SH2D1B: variants seen among roughly 807,000 people sequenced by gnomAD.
The protein encoded by SH2D1B is SH2 domain-containing protein 1B.
A neutral mutation model predicts 16.3 loss-of-function variants in SH2D1B; 11 were observed. That is an observed-to-expected ratio of 0.67 (90% CI 0.42 to 1.11). The LOEUF (loss-of-function observed/expected upper bound fraction) is 1.11. Among genes scored for constraint, SH2D1B ranks in the 50% most tolerant of loss-of-function variants. SH2D1B has a pLI of 0.00. For missense variants in SH2D1B, 123 were observed against 153.1 expected (o/e 0.80, Z 1.04); for synonymous variants, 55 against 56.1 (o/e 0.98, Z 0.09).
chr1:162,405,382 C>T (rs754118335), intron 1 of SH2D1B, among the ~76,000 whole-genome samples: 21 of 152,142 alleles, frequency 1.4e-4, no homozygotes, highest in Non-Finnish European at 7.4e-5. Context: ...ATACATATGT[C>T]AAAATCCATC....
At chr1:162,410,191 TG>T (rs1231310339) in intron 1 of SH2D1B, among the ~76,000 whole-genome samples, 1 of 152,200 alleles carries the variant, frequency 6.6e-6, no homozygotes, top group East Asian at 1.9e-4. Context: ...CACCCGGGCC[TG>T]TCTTCAGCTA....
chr1:162,404,343 AT>A (rs1326672099), intron 1 of SH2D1B, among the ~76,000 whole-genome samples: 5 of 152,304 alleles, frequency 3.3e-5, no homozygotes, highest in Admixed American at 2.6e-4. Context: ...CTCAAAAAAA[AT>A]AAAATAAAAT....
At chr1:162,407,872 AT>A (rs779260382) in intron 1 of SH2D1B, among the ~76,000 whole-genome samples, 124 of 152,328 alleles carry the variant, frequency 8.1e-4, no homozygotes, top group Admixed American at 2.2e-3. Flanking sequence ...TTATCACTGT[AT>A]TACCAATGCT....
Position 162,395,374 on chromosome 1 carries a change from A to G in SH2D1B, c.*1906T>C, listed in dbSNP as rs1401525097. The G allele has an allele frequency of 1.3e-5, 2 of 152,224 alleles. No individual in the cohort carries two copies. The highest frequency in any genetic ancestry group is 3.8e-4 in the East Asian group (2 of 5,204). The allele number at this position is 152,224 out of a possible 1,614,324, so 9.4% of individuals were successfully genotyped here. On this transcript the variant is annotated 3_prime_UTR_variant, in exon 4 of 4. Coordinates refer to ENST00000367929, the MANE Select transcript of SH2D1B (RefSeq NM_053282.5). ...ATTAGAGATAGAAAAAAATCACAAT[A>G]AATGTCAAAATATTTCTAGTAAAAA...
intron 2 of SH2D1B, among the ~76,000 whole-genome samples, chr1:162,401,332 A>AAT (rs35900994): frequency 6.6e-6 from 1 of 152,024 alleles, no homozygotes; most frequent in African/African-American, 2.4e-5. Context: ...CAGAAAAAAA[A>AAT]GTCTTAAAAT....
rs1648361767 is a variant in SH2D1B at position 162,395,851 on chromosome 1, G to A, written c.*1429C>T. 3.3e-5 allele frequency: 5 copies of A among 152,220 alleles called. No homozygotes were observed. Among genetic ancestry groups the A allele is most frequent in the Admixed American group, 3.3e-4 (5 of 15,282 alleles). 9.4% of individuals were successfully genotyped at this position (152,220 alleles called of 1,614,324 possible). A position where few individuals can be genotyped will look rare whatever the true frequency, so the allele number is the denominator to read the frequency against. Reference sequence around the variant, plus strand: ...AAAAAGATGACCCAAGAACATGGATGTGGCATGTTTATGCATGGGAAAACA... The same window carrying A: ...AAAAAGATGACCCAAGAACATGGATATGGCATGTTTATGCATGGGAAAACA... On this transcript the variant is annotated 3_prime_UTR_variant, in exon 4 of 4. Transcript: ENST00000367929.
At position 162,401,906 on chromosome 1, in the gene SH2D1B, T is replaced by C. The variant is rs1477182448; in HGVS notation, c.198+833A>G. Among the ~76,000 whole-genome samples the C allele has an allele frequency of 2.0e-5, 3 of 152,320 alleles. No homozygotes were observed. In the East Asian group the frequency reaches 5.8e-4, roughly 29 times the overall value. Reference sequence around the variant, plus strand: ...GATTCTCTGTTAGCAGTTATGTTTATTATACTCTACTTCTTAAGCCAGAGA... The same window carrying C: ...GATTCTCTGTTAGCAGTTATGTTTACTATACTCTACTTCTTAAGCCAGAGA... On this transcript the variant is annotated intron_variant, in intron 2 of 3. Transcript: ENST00000367929.
chr1:162,398,904 C>G lies in SH2D1B; in HGVS notation c.363+19G>C, dbSNP rs890712546. 2 of 1,602,002 alleles carry G rather than the reference C, an allele frequency of 1.2e-6. No individual in the cohort carries two copies. Among genetic ancestry groups the G allele is most frequent in the Middle Eastern group, 1.7e-4 (1 of 5,934 alleles). ...ATAGGATTAAGATTGCTTTCTGACC[C>G]CCACGTGAGAGATTTTACCACAAAT... On this transcript the variant is annotated intron_variant, in intron 3 of 3. Coordinates refer to ENST00000367929, the MANE Select transcript of SH2D1B (RefSeq NM_053282.5).
At chr1:162,398,771 T>C in intron 3 of SH2D1B, 152 bp downstream of exon 3, 2 of 918,126 alleles carry the variant, frequency 2.2e-6, no homozygotes, top group South Asian at 4.3e-5. Flanking sequence ...AGACAGCACT[T>C]CTCAACAAAA....
At chr1:162,400,890 GT>G (rs1648503306) in intron 2 of SH2D1B, among the ~76,000 whole-genome samples, 1 of 152,138 alleles carries the variant, frequency 6.6e-6, no homozygotes, top group Admixed American at 6.5e-5. Flanking sequence ...GGAAGTTGCA[GT>G]GAGCCGAGAT....
intron 1 of SH2D1B, among the ~76,000 whole-genome samples, chr1:162,406,164 T>C (rs1048790146): frequency 2.2e-4 from 33 of 152,222 alleles, no homozygotes; most frequent in African/African-American, 7.7e-4. Flanking sequence ...CCTTTTGTGG[T>C]ACTAATTTTT....
intron 2 of SH2D1B, among the ~76,000 whole-genome samples, chr1:162,399,885 T>C (rs1381201838): frequency 6.6e-6 from 1 of 152,202 alleles, no homozygotes; most frequent in Non-Finnish European, 1.5e-5. Flanking sequence ...TGTGAGAGAT[T>C]TTACCATAAA....
chr1:162,404,817 A>T (rs1405530851), intron 1 of SH2D1B, among the ~76,000 whole-genome samples: 1 of 152,272 alleles, frequency 6.6e-6, no homozygotes, highest in East Asian at 1.9e-4. Context: ...GTAAGGATGT[A>T]GAGCAATCAG....
At position 162,396,626 on chromosome 1, in the gene SH2D1B, T is replaced by C. The variant is rs1648385703; in HGVS notation, c.*654A>G. ...GGAGAAAGTGTGGCTGGGGCAATGCTCACCAGGAAGTTTAAGATTAGAAAG... is the reference window on the plus strand; with the variant it reads ...GGAGAAAGTGTGGCTGGGGCAATGCCCACCAGGAAGTTTAAGATTAGAAAG... On this transcript the variant is annotated 3_prime_UTR_variant, in exon 4 of 4. Transcript: ENST00000367929. 6.6e-6 allele frequency: 1 copy of C among 152,600 alleles called. No individual in the cohort carries two copies. Among genetic ancestry groups the C allele is most frequent in the Non-Finnish European group, 1.5e-5 (1 of 68,440 alleles). The allele number at this position is 152,600 out of a possible 1,614,324, so 9.5% of individuals were successfully genotyped here.
intron 1 of SH2D1B, among the ~76,000 whole-genome samples, chr1:162,403,376 C>A (rs890863815): frequency 1.1e-4 from 17 of 149,184 alleles, no homozygotes; most frequent in Non-Finnish European, 1.9e-4. Context: ...GTAATCCCAG[C>A]TACTCGAGAG....
At chr1:162,411,717 T>C (rs777261679) in intron 1 of SH2D1B, among the ~76,000 whole-genome samples, 166 bp downstream of exon 1, 6 of 152,110 alleles carry the variant, frequency 3.9e-5, no homozygotes, top group Non-Finnish European at 7.4e-5. Context: ...TGGAGGAGCA[T>C]GGACAGATAC....
At chr1:162,397,617 G>A (rs1648413617) in intron 3 of SH2D1B, among the ~76,000 whole-genome samples, 1 of 152,204 alleles carries the variant, frequency 6.6e-6, no homozygotes, top group African/African-American at 2.4e-5. Flanking sequence ...AATGGGAATG[G>A]GAGGAAGAGG....
intron 1 of SH2D1B, 91 bp downstream of exon 1, chr1:162,411,792 A>G: frequency 6.5e-7 from 1 of 1,547,048 alleles, no homozygotes; most frequent in Non-Finnish European, 8.8e-7. Context: ...GTCAGAGTGA[A>G]ATACTGAGGG....
At chr1:162,408,644 G>T (rs1307436793) in intron 1 of SH2D1B, among the ~76,000 whole-genome samples, 1 of 151,934 alleles carries the variant, frequency 6.6e-6, no homozygotes, top group Non-Finnish European at 1.5e-5. Flanking sequence ...TCAATCTCTT[G>T]ACCTAGTGAT....
Sources: allele counts gnomAD v4.1 joint callset (sites outside exome capture counted in the v4.1 genomes callset), GRCh38; gene constraint gnomAD v4.1.1; transcripts MANE v1.5; gene names NCBI Gene and HGNC (gene_info 2026-07-23, HGNC 2026-07-21).